The following TNC variants were observed in gnomAD, a reference collection of about 807,000 sequenced individuals.
TNC encodes tenascin C, also known as tenascin.
A neutral mutation model predicts 202.4 loss-of-function variants in TNC; 109 were observed. The observed-to-expected ratio is 0.54, with a 90% CI of 0.46 to 0.63. The LOEUF (loss-of-function observed/expected upper bound fraction) is 0.63. Ranked by LOEUF, TNC falls within the 30% of genes least tolerant of loss-of-function variation. The probability of loss-of-function intolerance (pLI) is 0.00; values close to 1 mark genes in which losing one functional copy is unlikely to be tolerated. For synonymous variants in TNC, 1,007 were observed against 1,089.7 expected (o/e 0.92, Z 1.50); for missense variants, 2,756 against 2,833.3 (o/e 0.97, Z 0.62).
At chr9:115,029,532 G>A (rs1210133349) in intron 24 of TNC, 76 bp from the exon 25 acceptor site, 2 of 1,395,542 alleles carry the variant, frequency 1.4e-6, no homozygotes, top group Non-Finnish European at 2.0e-6. Flanking sequence ...AGGAAGGAGT[G>A]TGGCACTGTG....
intron 20 of TNC, among the ~76,000 whole-genome samples, chr9:115,036,650 T>G (rs1183707397): frequency 6.6e-6 from 1 of 152,176 alleles, no homozygotes; most frequent in East Asian, 1.9e-4. Context: ...CATGCCCTTT[T>G]ATAATTTACT....
chr9:115,036,128 T>C lies in TNC; in HGVS notation c.5626A>G (p.Ser1876Gly). 6.2e-7 allele frequency: 1 copy of C among 1,614,156 alleles called. No individual in the cohort carries two copies. Among genetic ancestry groups the C allele is most frequent in the Non-Finnish European group, 8.5e-7 (1 of 1,179,992 alleles). ...RIFAEKGPQK[S>G]STITAKFTTD... is the part of the protein sequence containing the mutation. ...GTGAACTTGGCAGTGATGGTTGAGC[T>C]CTTCTGGGGCCCTTTCTCTGCAAAG... Residue 1876 changes from serine (S) to glycine (G), a missense_variant, in exon 21 of 28, where the codon AGC becomes GGC. By Grantham distance (56) the Ser-to-Gly change is moderately conservative. Transcript: ENST00000350763.
At chr9:115,038,087 C>T (rs1830465023) in intron 20 of TNC, among the ~76,000 whole-genome samples, 174 bp downstream of exon 20, 1 of 152,164 alleles carries the variant, frequency 6.6e-6, no homozygotes, top group Non-Finnish European at 1.5e-5. Flanking sequence ...AAATGACCTA[C>T]CAGACTCCCT....
chr9:115,078,791 T>C (rs1158579572), intron 6 of TNC, among the ~76,000 whole-genome samples: 3 of 152,174 alleles, frequency 2.0e-5, no homozygotes, highest in African/African-American at 7.2e-5. Context: ...ATCTTGACTT[T>C]TTCTGCCCCA....
chr9:115,075,173 C>G (rs542255887), intron 9 of TNC, among the ~76,000 whole-genome samples: 5 of 151,944 alleles, frequency 3.3e-5, no homozygotes, highest in Non-Finnish European at 7.4e-5. Flanking sequence ...GAGGAGTTTT[C>G]TTTTTGCAGT....
intron 1 of TNC, 32 bp from the exon 2 acceptor site, chr9:115,091,186 G>C (rs1246284627): frequency 4.9e-6 from 3 of 609,820 alleles, no homozygotes; most frequent in Non-Finnish European, 8.6e-6. Flanking sequence ...AAAATTATGA[G>C]TATCTACTAT....
Position 115,059,991 on chromosome 9 carries a change from G to A in TNC, c.4045C>T (p.Gln1349Ter), listed in dbSNP as rs1012548154. The change falls in exon 14 of 28, where the codon CAG (glutamine) becomes TAG (stop). Residue 1349 changes from glutamine to a stop codon, truncating the protein, a stop_gained. Transcript: ENST00000350763. LOFTEE classifies it high-confidence loss of function. ...TCAGACACGGCTAAATCTCCCAGCT[G>A]TGGGAGATCCTCTGAAGAAGGACAG... Reference protein sequence around the residue: ...AVEVVTEDLPQLGDLAVSEVG... With the variant: ...AVEVVTEDLP 1.2e-6 allele frequency: 2 copies of A among 1,612,818 alleles called. No individual in the cohort carries two copies. Among genetic ancestry groups the A allele is most frequent in the Admixed American group, 1.7e-5 (1 of 59,926 alleles).
At chr9:115,028,032 T>G (rs1011929209) in intron 25 of TNC, among the ~76,000 whole-genome samples, 1 of 152,176 alleles carries the variant, frequency 6.6e-6, no homozygotes, top group African/African-American at 2.4e-5. Flanking sequence ...TCCCAAAAAT[T>G]TATAGGTAAC....
chr9:115,094,424 C>T (rs1835460831), intron 1 of TNC, among the ~76,000 whole-genome samples: 1 of 152,256 alleles, frequency 6.6e-6, no homozygotes, highest in Non-Finnish European at 1.5e-5. Flanking sequence ...AAATAATGAC[C>T]TTTAAGAATG....
In TNC at chr9:115,062,962, C is replaced by A; in HGVS notation, c.3988G>T (p.Val1330Phe). ...AGGGGTCGAGTGCTGTGGCCCCTGA[C>A]CTCGCCGTGCAGGGTGACTGTGTAA... ...TPYTVTLHGE[V>F]RGHSTRPLAV... Residue 1330 changes from valine (V) to phenylalanine (F), a missense_variant, in exon 13 of 28, where the codon GTC (valine) becomes TTC (phenylalanine). By Grantham distance (50) the Val-to-Phe change is conservative. Around this residue, in one of 2 missense-constraint regions of TNC, gnomAD observed 2,559 missense variants for 2,546.0 expected, o/e 1.01. Coordinates refer to ENST00000350763, the MANE Select transcript of TNC (RefSeq NM_002160.4). The A allele has an allele frequency of 6.2e-7, 1 of 1,613,998 alleles. No individual in the cohort carries two copies. The highest frequency in any genetic ancestry group is 1.3e-5 in the African/African-American group (1 of 75,026).
intron 14 of TNC, among the ~76,000 whole-genome samples, chr9:115,058,363 C>A (rs73553151): frequency 0.059 from 8,989 of 152,170 alleles, 322 homozygotes; most frequent in Middle Eastern, 0.13. Flanking sequence ...AACTTCCTGC[C>A]CATAGGCCAA....
rs60312520 is a variant in TNC, at chr9:115,030,164, C to T, written c.6072+90G>A. On this transcript the variant is annotated intron_variant, in intron 24 of 27. Coordinates refer to ENST00000350763, the MANE Select transcript of TNC (RefSeq NM_002160.4). ...CACACATGGGGGTGTCAGAGTGCAT[C>T]AGGAGGAGATCACCCTCTTCTCCTC... The T allele has an allele frequency of 2.9e-3, 3,872 of 1,343,076 alleles. 94 individuals are homozygous for T. The African/African-American group carries it at 0.05, about 17-fold the overall frequency. 83.2% of individuals were successfully genotyped at this position (1,343,076 alleles called of 1,614,324 possible).
intron 1 of TNC, 37 bp downstream of exon 1, chr9:115,117,945 A>G (rs1318741872): frequency 6.6e-6 from 1 of 152,194 alleles, no homozygotes; most frequent in Admixed American, 6.5e-5. Context: ...TCCTTACATC[A>G]TAAGGATCTC....
intron 22 of TNC, among the ~76,000 whole-genome samples, chr9:115,034,171 C>T (rs1377813443): frequency 6.6e-6 from 1 of 152,164 alleles, no homozygotes; most frequent in Non-Finnish European, 1.5e-5. Context: ...TCAAATCCAC[C>T]AGGCTCAGCC....
At chr9:115,109,628 C>T (rs1276263666) in intron 1 of TNC, among the ~76,000 whole-genome samples, 2 of 152,228 alleles carry the variant, frequency 1.3e-5, no homozygotes, top group East Asian at 3.9e-4. Flanking sequence ...GACTCAGCCT[C>T]AAATCCCCAG....
At chr9:115,033,706 C>G (rs529142363) in intron 22 of TNC, among the ~76,000 whole-genome samples, 1 of 152,294 alleles carries the variant, frequency 6.6e-6, no homozygotes, top group African/African-American at 2.4e-5. Context: ...TACAGCCACT[C>G]ATCTCTACTT....
chr9:115,023,309 C>G (rs1050508013), intron 27 of TNC, among the ~76,000 whole-genome samples: 3 of 152,172 alleles, frequency 2.0e-5, no homozygotes, highest in African/African-American at 7.2e-5. Flanking sequence ...TCCCACACAG[C>G]TTTACACTTT....
intron 1 of TNC, among the ~76,000 whole-genome samples, chr9:115,117,668 A>C (rs1257881919): frequency 6.6e-6 from 1 of 152,264 alleles, no homozygotes; most frequent in Admixed American, 6.5e-5. Context: ...CAGGTGAATC[A>C]GCCAGACTAG....
chr9:115,043,736 AAAAC>A lies in TNC; in HGVS notation c.5126-1399_5126-1396del, dbSNP rs3035491. On this transcript the variant is annotated intron_variant, in intron 17 of 27. Transcript: ENST00000350763. ...AGATCGAGATGAGTCTAACTGGGAA[AAAAC>A]AAACAAACAAACAAACAAAAAACAG... is the stretch of plus-strand genomic sequence containing the variant. 6.6e-5 allele frequency among the ~76,000 whole-genome samples: 10 copies of A among 150,918 alleles called. 1 individual carries two copies. The highest frequency in any genetic ancestry group is 2.0e-4 in the East Asian group (1 of 5,094).
Sources: gnomAD v4.1 joint callset for allele counts (sites outside exome capture counted in the v4.1 genomes callset) on GRCh38, gnomAD v4.1.1 for gene constraint, gnomAD v4.1.1 regional missense constraint, MANE v1.5 for transcripts, NCBI Gene and HGNC (gene_info 2026-07-23, HGNC 2026-07-21) for gene names.